Variants in FOSL2 observed in about 807,000 individuals in gnomAD.
FOSL2 encodes the protein fos-related antigen 2.
FOSL2 carries 3 observed loss-of-function variants against 27.7 expected under a neutral mutation model. The observed-to-expected ratio is 0.11, with a 90% CI of 0.05 to 0.28. The LOEUF is 0.28. Ranked by LOEUF, FOSL2 falls within the 10% of genes least tolerant of loss-of-function variation. The pLI is 1.00. For missense variants in FOSL2, 333 were observed against 445.1 expected (o/e 0.75, Z 2.27); for synonymous variants, 179 against 190.1 (o/e 0.94, Z 0.48).
chr2:28,397,535 C>G (rs1663879092), intron 1 of FOSL2, among the ~76,000 whole-genome samples: 1 of 152,164 alleles, frequency 6.6e-6, no homozygotes, highest in Non-Finnish European at 1.5e-5. Flanking sequence ...GGTGAAATAG[C>G]AGTCATGTAT....
In FOSL2 at chr2:28,412,065, T is replaced by A. The variant is rs1275081914; in HGVS notation, c.598T>A (p.Ser200Thr). The A allele has an allele frequency of 3.1e-6, 5 of 1,607,092 alleles. No individual in the cohort carries two copies. Among genetic ancestry groups the A allele is most frequent in the Non-Finnish European group, 4.2e-6 (5 of 1,179,882 alleles). Residue 200 changes from serine to threonine, a missense_variant, in exon 4 of 4, where the codon TCG (serine) becomes ACG (threonine). By Grantham distance (58) the Ser-to-Thr change is moderately conservative. This residue lies in a region of FOSL2 where 136 missense variants were observed against 123.7 expected (regional missense o/e 1.10). Transcript: ENST00000264716. This position sits in a 1 kb window ranked among gnomAD's most constrained non-coding sequence, Gnocchi z 7.1. Reference sequence around the variant, plus strand: ...CAAGATTAGCCCCGAGGAGCGCCGATCGCCCCCAGCCCCTGGGCTGCAGCC... The same window carrying A: ...CAAGATTAGCCCCGAGGAGCGCCGAACGCCCCCAGCCCCTGGGCTGCAGCC... Reference protein sequence around the residue: ...VCKISPEERRSPPAPGLQPMR... With the variant: ...VCKISPEERRTPPAPGLQPMR...
Position 28,416,544 on chromosome 2 carries a change from TA to T in FOSL2, c.*4100del, listed in dbSNP as rs1175285537. The T allele has an allele frequency of 9.2e-5, 14 of 151,654 alleles. No individual in the cohort carries two copies. Among genetic ancestry groups the T allele is most frequent in the African/African-American group, 3.1e-4 (13 of 41,354 alleles). 9.4% of individuals were successfully genotyped at this position (151,654 alleles called of 1,614,324 possible). On this transcript the variant is annotated 3_prime_UTR_variant, in exon 4 of 4. Coordinates refer to ENST00000264716, the MANE Select transcript of FOSL2 (RefSeq NM_005253.4). ...TGTGATTTGTGCTGTATAAACTGTA[TA>T]AAAGGTTCTGTTTTTAAAGGTGGAT...
Position 28,404,043 on chromosome 2 carries a change from T to C in FOSL2, c.103-64T>C. On this transcript the variant is annotated intron_variant, in intron 1 of 3. Transcript: ENST00000264716. This position sits in a 1 kb window ranked among gnomAD's most constrained non-coding sequence, Gnocchi z 4.7. Reference sequence around the variant, plus strand: ...TTTTTGCCTCAGCTCTGTTCAATTATTATTAACTATCCTGTTCAGCTTAGT... The same window carrying C: ...TTTTTGCCTCAGCTCTGTTCAATTACTATTAACTATCCTGTTCAGCTTAGT... The C allele has an allele frequency of 1.9e-6, 3 of 1,578,636 alleles. No individual in the cohort carries two copies. Among genetic ancestry groups the C allele is most frequent in the Non-Finnish European group, 2.6e-6 (3 of 1,154,832 alleles).
At position 28,392,890 on chromosome 2, in the gene FOSL2, TCCGAGCGAACCA is replaced by T; in HGVS notation, c.-830_-819del. The T allele has an allele frequency of 1.4e-6, 1 of 714,298 alleles. No individual in the cohort carries two copies. Among genetic ancestry groups the T allele is most frequent in the Admixed American group, 2.0e-5 (1 of 49,888 alleles). The allele number at this position is 714,298 out of a possible 1,614,324, so 44.2% of individuals were successfully genotyped here. ...CTCATCTCGGGCAGAGCGCTAGGGC[TCCGAGCGAACCA>T]GCGAGCGAGCGAACGAGCGGCGCTC... is the stretch of plus-strand genomic sequence containing the variant. On this transcript the variant is annotated 5_prime_UTR_variant, in exon 1 of 4. Coordinates refer to ENST00000264716, the MANE Select transcript of FOSL2 (RefSeq NM_005253.4).
chr2:28,412,112 G>A lies in FOSL2; in HGVS notation c.645G>A (p.Ser215=), dbSNP rs148472899. The A allele has an allele frequency of 4.5e-5, 72 of 1,606,130 alleles. No homozygotes were observed. In the African/African-American group the frequency reaches 5.7e-4, roughly 13 times the overall value. The change falls in exon 4 of 4, where the codon TCG becomes TCA. Residue 215 remains serine, a synonymous_variant. Transcript: ENST00000264716. This position sits in a 1 kb window ranked among gnomAD's most constrained non-coding sequence, Gnocchi z 7.1. The part of the protein sequence containing the change: ...GLQPMRSGGG[S]VGAVVVKQEP... Reference sequence around the variant, plus strand: ...AGCCCATGCGCAGTGGGGGTGGCTCGGTGGGCGCTGTAGTGGTGAAACAGG... The same window carrying A: ...AGCCCATGCGCAGTGGGGGTGGCTCAGTGGGCGCTGTAGTGGTGAAACAGG...
rs942735062 is a variant in FOSL2, at chr2:28,414,527, C to T, written c.*2079C>T. On this transcript the variant is annotated 3_prime_UTR_variant, in exon 4 of 4. Coordinates refer to ENST00000264716, the MANE Select transcript of FOSL2 (RefSeq NM_005253.4). ...AAGCAGCAGAATGAGCCAGGAGTAGCAGGAGATGGGCAAAGAAAACTGGGG... is the reference window on the plus strand; with the variant it reads ...AAGCAGCAGAATGAGCCAGGAGTAGTAGGAGATGGGCAAAGAAAACTGGGG... 7.9e-5 allele frequency: 12 copies of T among 152,116 alleles called. 1 individual carries two copies. Among genetic ancestry groups the T allele is most frequent in the Non-Finnish European group, 1.3e-4 (9 of 68,028 alleles). 9.4% of individuals were successfully genotyped at this position (152,116 alleles called of 1,614,324 possible).
rs748429139 is a variant in FOSL2 at position 28,416,880 on chromosome 2, ACT to A, written c.*4435_*4436del. 8 of 149,396 alleles carry A rather than the reference ACT, an allele frequency of 5.4e-5. No homozygotes were observed. The highest frequency in any genetic ancestry group is 1.0e-4 in the Non-Finnish European group (7 of 67,490). The allele number at this position is 149,396 out of a possible 1,614,324, so 9.3% of individuals were successfully genotyped here. On this transcript the variant is annotated 3_prime_UTR_variant, in exon 4 of 4. Transcript: ENST00000264716. ...GACGTGGAGTAAAGTCAGCTGTAAG[ACT>A]CTGGAGGCAAACAAGTTGTATATGG... is the stretch of plus-strand genomic sequence containing the variant.
chr2:28,413,459 CAG>C lies in FOSL2; in HGVS notation c.*1012_*1013del. ...TCCGCCTTTCCCCCACCCTGGCTCT[CAG>C]GGTGACGCCACCCACAGAGATTTAA... On this transcript the variant is annotated 3_prime_UTR_variant, in exon 4 of 4. Transcript: ENST00000264716. The C allele has an allele frequency of 2.5e-6, 1 of 398,730 alleles. No homozygotes were observed. The highest frequency in any genetic ancestry group is 4.4e-6 in the Non-Finnish European group (1 of 226,154). 24.7% of individuals were successfully genotyped at this position (398,730 alleles called of 1,614,324 possible).
Position 28,408,960 on chromosome 2 carries a change from C to T in FOSL2, c.462+94C>T. The T allele has an allele frequency of 2.7e-6, 2 of 733,688 alleles. No homozygotes were observed. The highest frequency in any genetic ancestry group is 3.7e-4 in the Middle Eastern group (1 of 2,680). 45.4% of individuals were successfully genotyped at this position (733,688 alleles called of 1,614,324 possible). On this transcript the variant is annotated intron_variant, in intron 3 of 3. Transcript: ENST00000264716. The surrounding 1 kb of genome is among the most constrained non-coding windows in gnomAD (Gnocchi z 4.1). ...CCTCTCTCCCACAGCTGTCTCCTTA[C>T]CCACAAATGCCCTACAGATGAGTCA...
chr2:28,402,506 A>G (rs1663993704), intron 1 of FOSL2, among the ~76,000 whole-genome samples: 1 of 152,250 alleles, frequency 6.6e-6, no homozygotes, highest in Non-Finnish European at 1.5e-5. Flanking sequence ...GGCAAAGACA[A>G]TGGTGGTGCC....
At chr2:28,402,106 T>C (rs1416791406) in intron 1 of FOSL2, among the ~76,000 whole-genome samples, 4 of 152,214 alleles carry the variant, frequency 2.6e-5, no homozygotes, top group Admixed American at 6.5e-5. Flanking sequence ...CCAGAATGCA[T>C]TGTGCTGGGT....
In FOSL2 at chr2:28,416,837, T is replaced by C. The variant is rs1442048847; in HGVS notation, c.*4389T>C. On this transcript the variant is annotated 3_prime_UTR_variant, in exon 4 of 4. Coordinates refer to ENST00000264716, the MANE Select transcript of FOSL2 (RefSeq NM_005253.4). Reference sequence around the variant, plus strand: ...GTAGAAAATAAGCTTTGTGCATCTGTATTTGAGATATGTTAATGACGTGGA... The same window carrying C: ...GTAGAAAATAAGCTTTGTGCATCTGCATTTGAGATATGTTAATGACGTGGA... The C allele has an allele frequency of 3.9e-5, 6 of 152,154 alleles. No individual in the cohort carries two copies. The highest frequency in any genetic ancestry group is 3.9e-4 in the Admixed American group (6 of 15,272). The allele number at this position is 152,154 out of a possible 1,614,324, so 9.4% of individuals were successfully genotyped here. A position where few individuals can be genotyped will look rare whatever the true frequency, so the allele number is the denominator to read the frequency against.
chr2:28,395,015 A>G (rs566788200), intron 1 of FOSL2, among the ~76,000 whole-genome samples: 9 of 152,266 alleles, frequency 5.9e-5, no homozygotes, highest in African/African-American at 2.2e-4. Context: ...CCCTTGTTCC[A>G]AAGTGATTCC....
In FOSL2 at chr2:28,415,523, C is replaced by G. The variant is rs1011551144; in HGVS notation, c.*3075C>G. ...AGGCTCTGGGGAAAGGAATCTCCCT[C>G]TCCTCTCACTTGATTCCAAGTGTGG... On this transcript the variant is annotated 3_prime_UTR_variant, in exon 4 of 4. Transcript: ENST00000264716. 1 of 152,180 alleles carries G rather than the reference C, an allele frequency of 6.6e-6. No individual in the cohort carries two copies. The allele number at this position is 152,180 out of a possible 1,614,324, so 9.4% of individuals were successfully genotyped here. A position where few individuals can be genotyped will look rare whatever the true frequency, so the allele number is the denominator to read the frequency against.
rs1664312590 is a variant in FOSL2 at position 28,416,404 on chromosome 2, C to G, written c.*3956C>G. Reference sequence around the variant, plus strand: ...TGTTTACATCTTCTTTATGTTGTATCAAGCCTGAATAGAAACTGATAGCAT... The same window carrying G: ...TGTTTACATCTTCTTTATGTTGTATGAAGCCTGAATAGAAACTGATAGCAT... On this transcript the variant is annotated 3_prime_UTR_variant, in exon 4 of 4. Coordinates refer to ENST00000264716, the MANE Select transcript of FOSL2 (RefSeq NM_005253.4). The G allele has an allele frequency of 6.6e-6, 1 of 150,768 alleles. No individual in the cohort carries two copies. Among genetic ancestry groups the G allele is most frequent in the Non-Finnish European group, 1.5e-5 (1 of 67,868 alleles). The allele number at this position is 150,768 out of a possible 1,614,324, so 9.3% of individuals were successfully genotyped here.
At position 28,393,643 on chromosome 2, in the gene FOSL2, G is replaced by A. The variant is rs1663730531; in HGVS notation, c.-78G>A. The A allele has an allele frequency of 7.2e-6, 8 of 1,105,868 alleles. No individual in the cohort carries two copies. In the South Asian group the frequency reaches 1.1e-4, roughly 15 times the overall value. 68.5% of individuals were successfully genotyped at this position (1,105,868 alleles called of 1,614,324 possible). On this transcript the variant is annotated 5_prime_UTR_variant, in exon 1 of 4. Coordinates refer to ENST00000264716, the MANE Select transcript of FOSL2 (RefSeq NM_005253.4). This position sits in a 1 kb window ranked among gnomAD's most constrained non-coding sequence, Gnocchi z 4.6. Reference sequence around the variant, plus strand: ...GCGCGGCCGGCGGACGAACGAGCGCGCAGCAGCCGGTGCGCGGCCGCGGCG... The same window carrying A: ...GCGCGGCCGGCGGACGAACGAGCGCACAGCAGCCGGTGCGCGGCCGCGGCG...
Position 28,412,785 on chromosome 2 carries a change from A to G in FOSL2, c.*337A>G, listed in dbSNP as rs1019555087. On this transcript the variant is annotated 3_prime_UTR_variant, in exon 4 of 4. Coordinates refer to ENST00000264716, the MANE Select transcript of FOSL2 (RefSeq NM_005253.4). The surrounding 1 kb of genome is among the most constrained non-coding windows in gnomAD (Gnocchi z 7.1). ...GGACCATTCCTGTCCCTTTGTTACC[A>G]TACTGTCTCTGGAGTGATGGTGTCC... 1.7e-5 allele frequency: 5 copies of G among 293,868 alleles called. No individual in the cohort carries two copies. In the Admixed American group the frequency reaches 1.8e-4, roughly 10 times the overall value. 18.2% of individuals were successfully genotyped at this position (293,868 alleles called of 1,614,324 possible).
Position 28,412,714 on chromosome 2 carries a change from TA to T in FOSL2, c.*267del. ...AAAAGCCTTGGAGAACTCGGTTTGG[TA>T]GACTTGGACATCTCTCTGGCTTCTG... On this transcript the variant is annotated 3_prime_UTR_variant, in exon 4 of 4. Transcript: ENST00000264716. The surrounding 1 kb of genome is among the most constrained non-coding windows in gnomAD (Gnocchi z 7.1). 1 of 482,958 alleles carries T rather than the reference TA, an allele frequency of 2.1e-6. No individual in the cohort carries two copies. Among genetic ancestry groups the T allele is most frequent in the Non-Finnish European group, 3.7e-6 (1 of 266,704 alleles). The allele number at this position is 482,958 out of a possible 1,614,324, so 29.9% of individuals were successfully genotyped here.
intron 1 of FOSL2, among the ~76,000 whole-genome samples, chr2:28,397,828 G>A (rs1398972412): frequency 2.6e-5 from 4 of 152,152 alleles, no homozygotes; most frequent in East Asian, 1.9e-4. Flanking sequence ...TGCTTTCAGC[G>A]TATTCTTTTG....
Sources: allele counts gnomAD v4.1 joint callset (sites outside exome capture counted in the v4.1 genomes callset), GRCh38; gene constraint gnomAD v4.1.1; regional missense constraint gnomAD v4.1.1; non-coding constraint Gnocchi (gnomAD v3.1); transcripts MANE v1.5; gene names NCBI Gene and HGNC (gene_info 2026-07-23, HGNC 2026-07-21).